The following DPYD variants were observed in gnomAD, a reference collection of about 807,000 sequenced individuals.
DPYD encodes dihydropyrimidine dehydrogenase.
DPYD carries 109 observed loss-of-function variants against 116.2 expected under a neutral mutation model. That is an observed-to-expected ratio of 0.94 (90% CI 0.80 to 1.10). The LOEUF is 1.10. Among genes scored for constraint, DPYD ranks in the 50% least tolerant of loss-of-function variants. The probability of loss-of-function intolerance (pLI) is 0.00; values close to 1 mark genes in which losing one functional copy is unlikely to be tolerated. For missense variants in DPYD, 1,302 were observed against 1,254.5 expected (o/e 1.04, Z -0.57); for synonymous variants, 440 against 432.0 (o/e 1.02, Z -0.23).
chr1:97,383,475 C>CAAA lies in DPYD; in HGVS notation c.1906-1017_1906-1015dup, dbSNP rs796302274. Among the ~76,000 whole-genome samples, 7 of 80,314 alleles carry CAAA rather than the reference C, an allele frequency of 8.7e-5. No homozygotes were observed. The Middle Eastern group carries it at 0.025, about 287-fold the overall frequency. 52.7% of individuals were successfully genotyped at this position (80,314 alleles called of 152,430 possible). On this transcript the variant is annotated intron_variant, in intron 14 of 22. Coordinates refer to ENST00000370192, the MANE Select transcript of DPYD (RefSeq NM_000110.4). ...TGGGCAACAGAGCGAGACTCTGTCT[C>CAAA]AAAAAAAAAAAAAGAAAAAAAGAAA...
chr1:97,434,574 G>A (rs1216288273), intron 14 of DPYD, among the ~76,000 whole-genome samples: 1 of 151,916 alleles, frequency 6.6e-6, no homozygotes, highest in Non-Finnish European at 1.5e-5. Flanking sequence ...GAATTATCTA[G>A]GTCTTTGATT....
chr1:97,264,123 G>C (rs2100861260), intron 18 of DPYD, among the ~76,000 whole-genome samples: 1 of 140,948 alleles, frequency 7.1e-6, no homozygotes, highest in East Asian at 2.1e-4. Flanking sequence ...CCTACAGATA[G>C]CTATGACTGC....
At chr1:97,302,621 C>A (rs1666929903) in intron 18 of DPYD, among the ~76,000 whole-genome samples, 2 of 151,890 alleles carry the variant, frequency 1.3e-5, no homozygotes, top group African/African-American at 4.8e-5. Flanking sequence ...GTCTTATTGA[C>A]TTCTTTTATT....
chr1:97,784,553 C>A (rs573123137), intron 3 of DPYD, among the ~76,000 whole-genome samples: 57 of 152,238 alleles, frequency 3.7e-4, no homozygotes, highest in Non-Finnish European at 2.9e-5. Flanking sequence ...TCTCATTTAA[C>A]AAAATAGGCG....
chr1:97,372,403 C>T (rs1671354026), intron 16 of DPYD, among the ~76,000 whole-genome samples: 4 of 152,018 alleles, frequency 2.6e-5, no homozygotes, highest in South Asian at 4.2e-4. Context: ...ATAAAAGTCA[C>T]GATTCAATGT....
At chr1:97,090,723 G>A (rs369880668) in intron 21 of DPYD, among the ~76,000 whole-genome samples, 7 of 152,202 alleles carry the variant, frequency 4.6e-5, no homozygotes, top group East Asian at 3.9e-4. Context: ...AAGGATAGAC[G>A]TCTTTCTTTT....
chr1:97,503,790 T>C (rs1362851827), intron 13 of DPYD, among the ~76,000 whole-genome samples: 1 of 151,328 alleles, frequency 6.6e-6, no homozygotes, highest in Non-Finnish European at 1.5e-5. Flanking sequence ...ACTGACAAAA[T>C]CCAGAAAAAA....
At chr1:97,233,801 T>C (rs1375750859) in intron 19 of DPYD, among the ~76,000 whole-genome samples, 4 of 152,190 alleles carry the variant, frequency 2.6e-5, no homozygotes, top group African/African-American at 4.8e-5. Context: ...CTTTCAGTCT[T>C]CTTATATCAT....
intron 8 of DPYD, among the ~76,000 whole-genome samples, chr1:97,606,101 C>A (rs1185675923): frequency 2.0e-5 from 3 of 151,994 alleles, no homozygotes; most frequent in Admixed American, 6.6e-5. Context: ...TCATATTCAA[C>A]TTTTGGATCT....
At chr1:97,563,512 C>T (rs550678611) in intron 11 of DPYD, among the ~76,000 whole-genome samples, 76 of 152,284 alleles carry the variant, frequency 5.0e-4, no homozygotes, top group Admixed American at 2.0e-3. Flanking sequence ...CATGCCACTG[C>T]TCTACTTCTT....
intron 18 of DPYD, among the ~76,000 whole-genome samples, chr1:97,252,794 T>C (rs1353232389): frequency 6.6e-6 from 1 of 152,206 alleles, no homozygotes; most frequent in Non-Finnish European, 1.5e-5. Context: ...ATGGTCACAA[T>C]GTATATATTT....
At chr1:97,634,051 C>T (rs1036672764) in intron 8 of DPYD, among the ~76,000 whole-genome samples, 7 of 151,978 alleles carry the variant, frequency 4.6e-5, no homozygotes, top group East Asian at 1.9e-4. Context: ...GGCTTCAGCT[C>T]GAAAATCATC....
intron 15 of DPYD, among the ~76,000 whole-genome samples, chr1:97,379,770 G>T (rs545791138): frequency 6.6e-6 from 1 of 152,224 alleles, no homozygotes; most frequent in Non-Finnish European, 1.5e-5. Flanking sequence ...AGAGCCCTAC[G>T]GAGTGAAATG....
chr1:97,082,570 AT>A (rs1211358251), intron 21 of DPYD, 100 bp from the exon 22 acceptor site: 1 of 1,391,194 alleles, frequency 7.2e-7, no homozygotes, highest in Non-Finnish European at 1.0e-6. Flanking sequence ...ACAATGTTGC[AT>A]TATATTAACT....
intron 18 of DPYD, among the ~76,000 whole-genome samples, chr1:97,267,958 T>A (rs1263035246): frequency 6.6e-6 from 1 of 152,046 alleles, no homozygotes; most frequent in Non-Finnish European, 1.5e-5. Context: ...TTGAGGCAAA[T>A]TCCCATCAGT....
intron 3 of DPYD, among the ~76,000 whole-genome samples, chr1:97,824,019 G>T (rs1398557065): frequency 2.0e-5 from 3 of 151,930 alleles, no homozygotes; most frequent in Non-Finnish European, 4.4e-5. Context: ...GATCTTTATA[G>T]TATCTATTAT....
At chr1:97,098,232 C>T (rs1650406641) in intron 21 of DPYD, among the ~76,000 whole-genome samples, 1 of 152,024 alleles carries the variant, frequency 6.6e-6, no homozygotes, top group Admixed American at 6.6e-5. Context: ...TTAATATCTC[C>T]TGATACATTT....
At chr1:97,348,973 A>G (rs1669993774) in intron 16 of DPYD, among the ~76,000 whole-genome samples, 1 of 152,192 alleles carries the variant, frequency 6.6e-6, no homozygotes, top group Non-Finnish European at 1.5e-5. Flanking sequence ...ACTTATTCTG[A>G]CATCAAGAAG....
Position 97,176,523 on chromosome 1 carries a change from T to C in DPYD, c.2622+16546A>G, listed in dbSNP as rs78812683. Among the ~76,000 whole-genome samples, 58 of 152,284 alleles carry C rather than the reference T, an allele frequency of 3.8e-4. No individual in the cohort carries two copies. The East Asian group carries it at 0.01, about 26-fold the overall frequency. ...AAGAGCTGTCGGGAGTGACACGGTT[T>C]TTTGCCCACTGCTGCTATTACATTA... On this transcript the variant is annotated intron_variant, in intron 20 of 22. Transcript: ENST00000370192.
Sources: allele counts gnomAD v4.1 joint callset (sites outside exome capture counted in the v4.1 genomes callset), GRCh38; gene constraint gnomAD v4.1.1; transcripts MANE v1.5; gene names NCBI Gene and HGNC (gene_info 2026-07-23, HGNC 2026-07-21).